The following C2CD5 variants were observed in gnomAD, a reference collection of about 807,000 sequenced individuals.
The protein encoded by C2CD5 is C2 calcium dependent domain containing 5.
C2CD5 carries 109 observed loss-of-function variants against 130.3 expected under a neutral mutation model. That is an observed-to-expected ratio of 0.84 (90% CI 0.72 to 0.98). The LOEUF (loss-of-function observed/expected upper bound fraction) is 0.98. C2CD5 is among the 50% of genes least tolerant of loss of function. C2CD5 has a pLI of 0.00. For missense variants in C2CD5, 996 were observed against 1,261.8 expected (o/e 0.79, Z 3.19); for synonymous variants, 454 against 429.2 (o/e 1.06, Z -0.71).
chr12:22,472,639 T>C lies in C2CD5; in HGVS notation c.2107+105A>G. 3 of 782,984 alleles carry C rather than the reference T, an allele frequency of 3.8e-6. No individual in the cohort carries two copies. In the South Asian group the frequency reaches 4.3e-5, roughly 11 times the overall value. 48.5% of individuals were successfully genotyped at this position (782,984 alleles called of 1,614,324 possible). On this transcript the variant is annotated intron_variant, in intron 17 of 26. Coordinates refer to ENST00000446597, the MANE Select transcript of C2CD5 (RefSeq NM_001286176.2). ...CAAAGTACATGACAAGCTGTGACAC[T>C]GTGATAAGTCCTTCTTTTAAAGTAA...
chr12:22,506,680 A>C, intron 10 of C2CD5, 31 bp downstream of exon 10: 1 of 1,178,926 alleles, frequency 8.5e-7, no homozygotes, highest in Non-Finnish European at 1.3e-6. Context: ...AATTTAAATA[A>C]AGGAAACATT....
At chr12:22,530,621 C>G (rs1414838231) in intron 3 of C2CD5, among the ~76,000 whole-genome samples, 1 of 151,858 alleles carries the variant, frequency 6.6e-6, no homozygotes, top group African/African-American at 2.4e-5. Context: ...CCACACCCGG[C>G]TAATTTTTGT....
At chr12:22,512,667 G>A in intron 9 of C2CD5, 1 of 1,497,300 alleles carries the variant, frequency 6.7e-7, no homozygotes, top group Non-Finnish European at 8.9e-7. Flanking sequence ...CAGAACCTAT[G>A]AGGCGATCCT....
chr12:22,487,290 T>G (rs1945670490), intron 12 of C2CD5, among the ~76,000 whole-genome samples: 1 of 152,036 alleles, frequency 6.6e-6, no homozygotes, highest in African/African-American at 2.4e-5. Flanking sequence ...GGGAGAAAAT[T>G]TTTGCAATCT....
intron 22 of C2CD5, among the ~76,000 whole-genome samples, chr12:22,466,003 T>C (rs1039841065): frequency 6.6e-6 from 1 of 151,854 alleles, no homozygotes; most frequent in African/African-American, 2.4e-5. Context: ...TAATAAACGA[T>C]GGAAAGAAAA....
At chr12:22,544,299 G>A (rs960764760) in intron 1 of C2CD5, 21 bp downstream of exon 1, 3 of 582,228 alleles carry the variant, frequency 5.2e-6, no homozygotes, top group African/African-American at 4.0e-5. Context: ...CCCGGCAGTC[G>A]CGCCACGGGT....
intron 7 of C2CD5, 60 bp from the exon 8 acceptor site, chr12:22,518,197 C>A: frequency 6.7e-7 from 1 of 1,500,326 alleles, no homozygotes. Context: ...TGACAGGTGG[C>A]AGCATGATCC....
Position 22,456,931 on chromosome 12 carries a change from G to T in C2CD5, c.2877+40C>A, listed in dbSNP as rs1413367679. 6 of 1,335,120 alleles carry T rather than the reference G, an allele frequency of 4.5e-6. No individual in the cohort carries two copies. The African/African-American group carries it at 6.1e-5, about 14-fold the overall frequency. The allele number at this position is 1,335,120 out of a possible 1,614,324, so 82.7% of individuals were successfully genotyped here. On this transcript the variant is annotated intron_variant, in intron 25 of 26. Coordinates refer to ENST00000446597, the MANE Select transcript of C2CD5 (RefSeq NM_001286176.2). ...TTAGTTTTGTTACTAAATCTTCAGA[G>T]AAAATTTTTTAAAAAATGAAATAAC... is the stretch of plus-strand genomic sequence containing the variant.
In C2CD5 at chr12:22,474,840, A is replaced by G. The variant is rs1357781794; in HGVS notation, c.1954T>C (p.Ser652Pro). The G allele has an allele frequency of 6.2e-7, 1 of 1,608,540 alleles. No individual in the cohort carries two copies. Among genetic ancestry groups the G allele is most frequent in the Non-Finnish European group, 8.5e-7 (1 of 1,176,292 alleles). ...GSPIPEPRQRSRLLRSQSESS... is the reference protein window; with the variant it reads ...GSPIPEPRQRPRLLRSQSESS... ...TCTGATTGAGATCTTAGAAGTCTTG[A>G]GCGTTGCCTAGGTTCTGGGATGGGT... The change falls in exon 16 of 27, where the codon TCA becomes CCA. Residue 652 changes from serine (S) to proline (P), a missense_variant. Ser to Pro is a moderately conservative substitution (Grantham distance 74, BLOSUM62 -1). Around this residue, in one of 9 missense-constraint regions of C2CD5, gnomAD observed 590 missense variants for 631.4 expected, o/e 0.93. Coordinates refer to ENST00000446597, the MANE Select transcript of C2CD5 (RefSeq NM_001286176.2).
At chr12:22,460,356 T>A (rs1459327554) in intron 22 of C2CD5, among the ~76,000 whole-genome samples, 1 of 152,204 alleles carries the variant, frequency 6.6e-6, no homozygotes, top group Non-Finnish European at 1.5e-5. Flanking sequence ...TAGAAATAAC[T>A]CATGAAAAGC....
At chr12:22,524,230 C>T (rs1043579856) in intron 6 of C2CD5, among the ~76,000 whole-genome samples, 1 of 152,140 alleles carries the variant, frequency 6.6e-6, no homozygotes, top group African/African-American at 2.4e-5. Flanking sequence ...CCTTGCTCAG[C>T]GCTCTTTCCA....
At chr12:22,519,918 A>G (rs1950115625) in intron 7 of C2CD5, among the ~76,000 whole-genome samples, 1 of 152,164 alleles carries the variant, frequency 6.6e-6, no homozygotes, top group Non-Finnish European at 1.5e-5. Flanking sequence ...AAACAATGTC[A>G]ATAACTTTGG....
chr12:22,524,427 G>C (rs1417477516), intron 6 of C2CD5, 45 bp downstream of exon 6: 1 of 1,554,442 alleles, frequency 6.4e-7, no homozygotes. Context: ...AAAAATTTAA[G>C]AGAGTACTAA....
intron 9 of C2CD5, among the ~76,000 whole-genome samples, chr12:22,510,576 T>C (rs1029692182): frequency 6.6e-6 from 1 of 152,206 alleles, no homozygotes; most frequent in African/African-American, 2.4e-5. Flanking sequence ...TTTCTAGATA[T>C]AAAATCCATA....
At chr12:22,468,170 T>C (rs1942420942) in intron 22 of C2CD5, among the ~76,000 whole-genome samples, 1 of 151,502 alleles carries the variant, frequency 6.6e-6, no homozygotes, top group Admixed American at 6.6e-5. Flanking sequence ...AATTTCTGTA[T>C]AAAGTAGATG....
chr12:22,515,064 G>A (rs957079243), intron 8 of C2CD5: 3 of 984,952 alleles, frequency 3.0e-6, no homozygotes, highest in Non-Finnish European at 2.4e-6. Flanking sequence ...GAGAGGAGGA[G>A]ACAGGACTTT....
intron 2 of C2CD5, among the ~76,000 whole-genome samples, chr12:22,543,828 A>G (rs1029067618): frequency 9.9e-5 from 15 of 152,108 alleles, no homozygotes; most frequent in African/African-American, 3.4e-4. Flanking sequence ...CCCCGCATGC[A>G]CAACAGTACA....
chr12:22,469,178 A>G (rs1449872224), intron 22 of C2CD5, among the ~76,000 whole-genome samples: 2 of 152,156 alleles, frequency 1.3e-5, no homozygotes, highest in East Asian at 3.8e-4. Context: ...GCACTGGAAA[A>G]AAAACATGGC....
At chr12:22,521,025 T>C (rs1484989135) in intron 7 of C2CD5, among the ~76,000 whole-genome samples, 1 of 152,158 alleles carries the variant, frequency 6.6e-6, no homozygotes, top group Non-Finnish European at 1.5e-5. Flanking sequence ...GGATGCCTCA[T>C]AATAACCTGT....
Sources: gnomAD v4.1 joint callset for allele counts (sites outside exome capture counted in the v4.1 genomes callset) on GRCh38, gnomAD v4.1.1 for gene constraint, gnomAD v4.1.1 regional missense constraint, MANE v1.5 for transcripts, NCBI Gene and HGNC (gene_info 2026-07-23, HGNC 2026-07-21) for gene names.